RNF4: variants seen among roughly 807,000 people sequenced by gnomAD.
The protein encoded by RNF4 is ring finger protein 4, also known as E3 ubiquitin-protein ligase RNF4.
RNF4 carries 7 observed loss-of-function variants against 24.3 expected under a neutral mutation model. That is an observed-to-expected ratio of 0.29 (90% CI 0.16 to 0.54). RNF4 has a LOEUF of 0.54. RNF4 is among the 20% of genes least tolerant of loss of function. The probability of loss-of-function intolerance (pLI) is 0.95; values close to 1 mark genes in which losing one functional copy is unlikely to be tolerated. For synonymous variants in RNF4, 83 were observed against 84.3 expected, an observed-to-expected ratio of 0.98 and a Z score of 0.09; for missense variants, 209 against 248.5, an observed-to-expected ratio of 0.84 and a Z score of 1.07.
At chr4:2,473,236 T>C (rs1366653493) in intron 1 of RNF4, among the ~76,000 whole-genome samples, 2 of 151,176 alleles carry the variant, frequency 1.3e-5, no homozygotes, top group African/African-American at 2.4e-5. Context: ...ATACAAAAAT[T>C]AGCCAGGCAT....
At chr4:2,492,719 C>T (rs941687862) in intron 2 of RNF4, among the ~76,000 whole-genome samples, 8 of 152,066 alleles carry the variant, frequency 5.3e-5, no homozygotes, top group Admixed American at 3.3e-4. Context: ...ACTTCCTGGC[C>T]GCCATTGTGC....
At chr4:2,481,066 A>C (rs968203478) in intron 1 of RNF4, 3 of 152,162 alleles carry the variant, frequency 2.0e-5, no homozygotes, top group African/African-American at 7.2e-5. Flanking sequence ...TAGATCAGTC[A>C]CCTCAGTTGA....
rs147599139 is a variant in RNF4 at position 2,512,367 on chromosome 4, G to A, written c.215-71G>A. ...GGGAAGGAAGAGGGTCTTAAGAGGCGTCAGGATGGGAGTGGTGAGGATGGT... is the reference window on the plus strand; with the variant it reads ...GGGAAGGAAGAGGGTCTTAAGAGGCATCAGGATGGGAGTGGTGAGGATGGT... On this transcript the variant is annotated intron_variant, in intron 5 of 7. Transcript: ENST00000314289. This position sits in a 1 kb window ranked among gnomAD's most constrained non-coding sequence, Gnocchi z 4.1. 47 of 1,529,268 alleles carry A rather than the reference G, an allele frequency of 3.1e-5. No individual in the cohort carries two copies. The highest frequency in any genetic ancestry group is 2.5e-4 in the Admixed American group (13 of 51,232). The allele number at this position is 1,529,268 out of a possible 1,614,324, so 94.7% of individuals were successfully genotyped here.
At position 2,511,863 on chromosome 4, in the gene RNF4, T is replaced by C. The variant is rs1490887276; in HGVS notation, c.205-93T>C. 2.3e-5 allele frequency: 29 copies of C among 1,269,562 alleles called. 1 individual carries two copies. In the Admixed American group the frequency reaches 5.8e-4, roughly 25 times the overall value. The allele number at this position is 1,269,562 out of a possible 1,614,324, so 78.6% of individuals were successfully genotyped here. On this transcript the variant is annotated intron_variant, in intron 4 of 7. Coordinates refer to ENST00000314289, the MANE Select transcript of RNF4 (RefSeq NM_002938.5). ...GCTCACCAGAGGGTTCCACAGAGGG[T>C]GTCACACGTCAGAAAAAAGAAATGG...
chr4:2,505,401 C>G (rs1429350901), intron 4 of RNF4: 12 of 151,382 alleles, frequency 7.9e-5, no homozygotes, highest in Non-Finnish European at 1.3e-4. Context: ...TCTTGGCTCA[C>G]TGCCAGCTCC....
intron 1 of RNF4, among the ~76,000 whole-genome samples, chr4:2,489,623 G>T (rs1462192131): frequency 6.6e-6 from 1 of 152,192 alleles, no homozygotes; most frequent in Non-Finnish European, 1.5e-5. Context: ...CCAGCAGTGG[G>T]TGGCCACAAG....
intron 1 of RNF4, among the ~76,000 whole-genome samples, chr4:2,473,032 T>TC (rs535322229): frequency 3.7e-3 from 532 of 143,280 alleles, no homozygotes; most frequent in African/African-American, 0.011. Context: ...AGAGCGAGAC[T>TC]CCATCTCAAA....
intron 1 of RNF4, chr4:2,469,513 T>C (rs910910365): frequency 2.6e-5 from 4 of 152,226 alleles, no homozygotes; most frequent in African/African-American, 9.7e-5. Context: ...GCCATGGGGC[T>C]TAGTTCCTAG....
rs377600326 is a variant in RNF4, at chr4:2,512,457, G to T, written c.234G>T (p.Arg78Ser). 63 of 1,612,320 alleles carry T rather than the reference G, an allele frequency of 3.9e-5. 1 individual carries two copies. In the Middle Eastern group the frequency reaches 5.0e-4, roughly 13 times the overall value. Residue 78 changes from arginine (R) to serine (S), a missense_variant, in exon 6 of 8, where the codon AGG becomes AGT. Coordinates refer to ENST00000314289, the MANE Select transcript of RNF4 (RefSeq NM_002938.5). The surrounding 1 kb of genome is among the most constrained non-coding windows in gnomAD (Gnocchi z 4.1). Reference sequence around the variant, plus strand: ...CCTTAGAAAGAAGAAGACCAAGGAGGAATGCTAGGAGGCTGCCCCAGGACC... The same window carrying T: ...CCTTAGAAAGAAGAAGACCAAGGAGTAATGCTAGGAGGCTGCCCCAGGACC... Reference protein sequence around the residue: ...VIVDERRRPRRNARRLPQDHA... With the variant: ...VIVDERRRPRSNARRLPQDHA...
intron 1 of RNF4, among the ~76,000 whole-genome samples, chr4:2,472,559 C>G (rs1384379671): frequency 6.7e-6 from 1 of 148,624 alleles, no homozygotes; most frequent in Non-Finnish European, 1.5e-5. Context: ...AGAGACCAGC[C>G]GGGGCAGCAT....
chr4:2,470,542 C>T (rs1001987524), intron 1 of RNF4, among the ~76,000 whole-genome samples: 9 of 152,196 alleles, frequency 5.9e-5, no homozygotes, highest in Non-Finnish European at 1.3e-4. Flanking sequence ...GAATTACTAC[C>T]TTTGTAAGGA....
chr4:2,478,084 T>C (rs1292766872), intron 1 of RNF4, among the ~76,000 whole-genome samples: 4 of 152,198 alleles, frequency 2.6e-5, no homozygotes, highest in African/African-American at 9.6e-5. Context: ...ACTCCTGTTA[T>C]GTTTCAGCAA....
At chr4:2,507,106 A>G (rs958569728) in intron 4 of RNF4, among the ~76,000 whole-genome samples, 1 of 152,104 alleles carries the variant, frequency 6.6e-6, no homozygotes, top group East Asian at 1.9e-4. Context: ...AATAAGTCAC[A>G]CTATGTGTGT....
At chr4:2,480,868 TA>T (rs1735224656) in intron 1 of RNF4, 2 of 152,170 alleles carry the variant, frequency 1.3e-5, no homozygotes, top group African/African-American at 4.8e-5. Context: ...ACTTCCAGGA[TA>T]CCTGGAGTAA....
At chr4:2,483,930 G>T (rs369716478) in intron 1 of RNF4, among the ~76,000 whole-genome samples, 1 of 151,330 alleles carries the variant, frequency 6.6e-6, no homozygotes, top group Non-Finnish European at 1.5e-5. Flanking sequence ...GGGTTCGAGC[G>T]ATTCTCCTGC....
At chr4:2,483,860 G>A (rs1480122385) in intron 1 of RNF4, among the ~76,000 whole-genome samples, 1 of 151,726 alleles carries the variant, frequency 6.6e-6, no homozygotes, top group African/African-American at 2.4e-5. Context: ...TTGAGACTGA[G>A]TTTCACTTGT....
chr4:2,482,504 A>C (rs1228284714), intron 1 of RNF4, among the ~76,000 whole-genome samples: 1 of 152,022 alleles, frequency 6.6e-6, no homozygotes, highest in Non-Finnish European at 1.5e-5. Flanking sequence ...GGTTTCCTTC[A>C]TTATCTTACC....
intron 4 of RNF4, among the ~76,000 whole-genome samples, chr4:2,510,563 C>A (rs1430430710): frequency 1.3e-5 from 2 of 152,234 alleles, no homozygotes; most frequent in Non-Finnish European, 2.9e-5. Context: ...CATCCCCTGC[C>A]CTGCCAGTAG....
chr4:2,506,690 C>T (rs544419903), intron 4 of RNF4, among the ~76,000 whole-genome samples: 59 of 152,188 alleles, frequency 3.9e-4, no homozygotes, highest in Admixed American at 9.2e-4. Context: ...GCCTCAGCCT[C>T]CTAAGTAGCT....
Sources: gnomAD v4.1 joint callset for allele counts (sites outside exome capture counted in the v4.1 genomes callset) on GRCh38, gnomAD v4.1.1 for gene constraint, Gnocchi (gnomAD v3.1) non-coding constraint, MANE v1.5 for transcripts, NCBI Gene and HGNC (gene_info 2026-07-23, HGNC 2026-07-21) for gene names.